NAALADL2: variants seen among roughly 807,000 people sequenced by gnomAD.
NAALADL2 encodes the protein inactive N-acetylated-alpha-linked acidic dipeptidase-like protein 2.
A neutral mutation model predicts 87.2 loss-of-function variants in NAALADL2; 76 were observed. The observed-to-expected ratio is 0.87, with a 90% CI of 0.72 to 1.05. NAALADL2 has a LOEUF of 1.05. Among genes scored for constraint, NAALADL2 ranks in the 50% least tolerant of loss-of-function variants. NAALADL2 has a pLI of 0.00. For synonymous variants in NAALADL2, 354 were observed against 331.0 expected (o/e 1.07, Z -0.75); for missense variants, 1,089 against 945.8 (o/e 1.15, Z -1.99).
rs143394400 is a variant in NAALADL2 at position 174,952,554 on chromosome 3, A to G, written c.43+93104A>G. ...CTTTTACTCTGAGCCACACACTACT[A>G]GAAAATGGACCATGACCTCAGTCTA... is the stretch of plus-strand genomic sequence containing the variant. On this transcript the variant is annotated intron_variant, in intron 1 of 13. Coordinates refer to ENST00000454872, the MANE Select transcript of NAALADL2 (RefSeq NM_207015.3). 8.5e-3 allele frequency among the ~76,000 whole-genome samples: 1,288 copies of G among 152,228 alleles called. 15 individuals carry two copies. Among genetic ancestry groups the G allele is most frequent in the African/African-American group, 0.029 (1,190 of 41,544 alleles).
At chr3:174,520,294 A>G (rs191272845) in intron 1 of NAALADL2, among the ~76,000 whole-genome samples, 1 of 152,310 alleles carries the variant, frequency 6.6e-6, no homozygotes, top group East Asian at 1.9e-4. Flanking sequence ...TGGAGCCCTC[A>G]CATTACGACT....
intron 1 of NAALADL2, among the ~76,000 whole-genome samples, chr3:174,908,475 G>A (rs1289654847): frequency 6.6e-6 from 1 of 152,064 alleles, no homozygotes; most frequent in Admixed American, 6.5e-5. Context: ...CAGGCCAGTG[G>A]CTACAGAAAT....
chr3:175,720,987 A>G lies in NAALADL2; in HGVS notation c.1897-16319A>G, dbSNP rs138503786. Among the ~76,000 whole-genome samples the G allele has an allele frequency of 7.9e-3, 1,206 of 152,264 alleles. 9 individuals are homozygous for G. Among genetic ancestry groups the G allele is most frequent in the Non-Finnish European group, 0.014 (921 of 67,988 alleles). ...AGGATAAAAGAACTAATGGTGTGCCAAAAAATGGTGAAGATGTGAATAAGT... is the reference window on the plus strand; with the variant it reads ...AGGATAAAAGAACTAATGGTGTGCCGAAAAATGGTGAAGATGTGAATAAGT... On this transcript the variant is annotated intron_variant, in intron 11 of 13. Coordinates refer to ENST00000454872, the MANE Select transcript of NAALADL2 (RefSeq NM_207015.3).
intron 11 of NAALADL2, among the ~76,000 whole-genome samples, chr3:175,671,197 TTTAC>T (rs149269979): frequency 0.037 from 5,680 of 151,908 alleles, 174 homozygotes; most frequent in African/African-American, 0.077. Context: ...CTTGAACTTT[TTTAC>T]TTACTTTATG....
intron 13 of NAALADL2, chr3:175,773,290 G>A (rs1299666544): frequency 6.6e-6 from 1 of 152,132 alleles, no homozygotes; most frequent in African/African-American, 2.4e-5. Context: ...AATAACTACA[G>A]ATGGTTTGCT....
At chr3:174,597,653 C>T (rs1718047219) in intron 2 of NAALADL2, among the ~76,000 whole-genome samples, 1 of 152,162 alleles carries the variant, frequency 6.6e-6, no homozygotes, top group Non-Finnish European at 1.5e-5. Context: ...CTTACCCATC[C>T]TTGGCTTCAA....
chr3:174,902,615 T>C (rs141958537), intron 1 of NAALADL2, among the ~76,000 whole-genome samples: 149 of 152,248 alleles, frequency 9.8e-4, no homozygotes, highest in Non-Finnish European at 2.0e-3. Flanking sequence ...TTAAGGGAGA[T>C]ACTGCAGAGA....
intron 10 of NAALADL2, among the ~76,000 whole-genome samples, chr3:175,604,600 A>C (rs1213806079): frequency 1.3e-5 from 2 of 152,046 alleles, no homozygotes; most frequent in African/African-American, 4.8e-5. Flanking sequence ...CACCACGCCC[A>C]GCCGAAATTT....
At chr3:175,729,742 C>T (rs1743410456) in intron 11 of NAALADL2, among the ~76,000 whole-genome samples, 2 of 150,842 alleles carry the variant, frequency 1.3e-5, no homozygotes, top group Non-Finnish European at 2.9e-5. Flanking sequence ...CACAATTAAA[C>T]TCCTTTAAAT....
Position 175,177,540 on chromosome 3 carries a change from C to G in NAALADL2, c.546-56391C>G, listed in dbSNP as rs549205139. On this transcript the variant is annotated intron_variant, in intron 2 of 13. Coordinates refer to ENST00000454872, the MANE Select transcript of NAALADL2 (RefSeq NM_207015.3). ...GGTTGGCAAACGTAACAGTAGTGAG[C>G]TATTTGAAGCAGCTTATTAAAATTT... Among the ~76,000 whole-genome samples the G allele has an allele frequency of 2.6e-5, 4 of 152,060 alleles. No individual in the cohort carries two copies. The South Asian group carries it at 8.3e-4, about 31-fold the overall frequency.
chr3:175,575,443 C>T (rs1304859553), intron 9 of NAALADL2, among the ~76,000 whole-genome samples: 5 of 151,948 alleles, frequency 3.3e-5, no homozygotes, highest in African/African-American at 9.7e-5. Flanking sequence ...TGCCACCACA[C>T]CCGGCTAATT....
intron 5 of NAALADL2, among the ~76,000 whole-genome samples, chr3:175,408,897 G>A (rs895128542): frequency 2.0e-5 from 3 of 152,050 alleles, no homozygotes; most frequent in African/African-American, 7.2e-5. Flanking sequence ...ATGGATTGCT[G>A]AGTTTTTAAT....
chr3:175,057,417 C>T (rs1040883054), intron 1 of NAALADL2, among the ~76,000 whole-genome samples: 8 of 152,174 alleles, frequency 5.3e-5, no homozygotes, highest in African/African-American at 9.7e-5. Context: ...ACCCTCACCC[C>T]GGTTGCCATA....
chr3:175,501,444 A>ACACACACACACACACACACACAG (rs1553911513), intron 9 of NAALADL2, among the ~76,000 whole-genome samples: 6 of 25,758 alleles, frequency 2.3e-4, no homozygotes, highest in Non-Finnish European at 4.8e-4. Context: ...CACACACACA[A>ACACACACACACACACACACACAG]AGGCAGCATA....
chr3:175,293,510 A>G (rs997939984), intron 4 of NAALADL2, among the ~76,000 whole-genome samples: 4 of 152,174 alleles, frequency 2.6e-5, no homozygotes, highest in African/African-American at 9.7e-5. Context: ...AACAACTGCT[A>G]TGGTTTGAAT....
At chr3:175,083,931 A>G (rs745814649) in intron 1 of NAALADL2, among the ~76,000 whole-genome samples, 34 of 152,192 alleles carry the variant, frequency 2.2e-4, no homozygotes, top group Non-Finnish European at 4.6e-4. Flanking sequence ...AACTCAACAA[A>G]TTAAGAACTG....
At chr3:175,052,770 A>G (rs1033313730) in intron 1 of NAALADL2, among the ~76,000 whole-genome samples, 15 of 152,176 alleles carry the variant, frequency 9.9e-5, no homozygotes, top group African/African-American at 3.6e-4. Context: ...AAGAGCTGTT[A>G]ATAGTTTCCA....
intron 2 of NAALADL2, among the ~76,000 whole-genome samples, chr3:175,167,888 T>G (rs562960803): frequency 3.9e-5 from 6 of 152,132 alleles, no homozygotes; most frequent in African/African-American, 1.4e-4. Flanking sequence ...TTGTCATTAC[T>G]GGAAATTAGA....
intron 1 of NAALADL2, among the ~76,000 whole-genome samples, chr3:174,514,547 AAC>A (rs1442715845): frequency 6.6e-6 from 1 of 152,140 alleles, no homozygotes; most frequent in Non-Finnish European, 1.5e-5. Context: ...CTAATTACTA[AAC>A]AGTTATTAAG....
Sources: gnomAD v4.1 joint callset for allele counts (sites outside exome capture counted in the v4.1 genomes callset) on GRCh38, gnomAD v4.1.1 for gene constraint, MANE v1.5 for transcripts, NCBI Gene and HGNC (gene_info 2026-07-23, HGNC 2026-07-21) for gene names.